Variants in AFF3 observed in about 807,000 individuals in gnomAD.
AFF3 encodes AF4/FMR2 family member 3.
In AFF3, 32 loss-of-function variants were observed where a neutral mutation model predicts 129.7. The observed-to-expected ratio is 0.25, with a 90% CI of 0.19 to 0.33. The LOEUF is 0.33. AFF3 is among the 10% of genes least tolerant of loss of function. The pLI, the probability that AFF3 is intolerant of heterozygous loss-of-function variation, is 1.00. For synonymous variants in AFF3, 644 were observed against 635.4 expected, an observed-to-expected ratio of 1.01 and a Z score of -0.20; for missense variants, 1,373 against 1,592.0, an observed-to-expected ratio of 0.86 and a Z score of 2.34.
At chr2:100,048,771 G>C (rs1216164933) in intron 4 of AFF3, among the ~76,000 whole-genome samples, 3 of 152,142 alleles carry the variant, frequency 2.0e-5, no homozygotes, top group Non-Finnish European at 4.4e-5. Flanking sequence ...GCAAAATGTA[G>C]AAATGTATGA....
chr2:99,771,678 G>C (rs867243541), intron 8 of AFF3, among the ~76,000 whole-genome samples: 1 of 152,278 alleles, frequency 6.6e-6, no homozygotes, highest in Non-Finnish European at 1.5e-5. Flanking sequence ...ATAAAGAAGT[G>C]GAACTCGGAA....
intron 4 of AFF3, among the ~76,000 whole-genome samples, chr2:100,012,016 T>A (rs1334517450): frequency 6.6e-6 from 1 of 152,028 alleles, no homozygotes; most frequent in Non-Finnish European, 1.5e-5. Flanking sequence ...TTATAAAGCA[T>A]CCAGATTGCT....
rs1685191246 is a variant in AFF3, at chr2:99,791,587, CG to C, written c.922-39287del. ...CTGTACAGTCAACCTTCATTATTCACGGATTCTTTATTTCTGAATTTGCCCC... is the reference window on the plus strand; with the variant it reads ...CTGTACAGTCAACCTTCATTATTCACGATTCTTTATTTCTGAATTTGCCCC... On this transcript the variant is annotated intron_variant, in intron 8 of 24. Coordinates refer to ENST00000672756, the MANE Select transcript of AFF3 (RefSeq NM_001386135.1). Among the ~76,000 whole-genome samples, 5 of 152,286 alleles carry C rather than the reference CG, an allele frequency of 3.3e-5. No individual in the cohort carries two copies. The South Asian group carries it at 1.0e-3, about 32-fold the overall frequency.
At position 99,970,658 on chromosome 2, in the gene AFF3, C is replaced by T. The variant is rs570693375; in HGVS notation, c.873+35974G>A. The stretch of plus-strand genomic sequence containing the variant: ...TTCCGGACATGCTCCCCTTCCTGCA[C>T]GTCCAAGCCTCTAACCCTCCTTCTC... On this transcript the variant is annotated intron_variant, in intron 7 of 24. Transcript: ENST00000672756. 3.3e-5 allele frequency among the ~76,000 whole-genome samples: 5 copies of T among 152,328 alleles called. No homozygotes were observed. The South Asian group carries it at 6.2e-4, about 19-fold the overall frequency.
intron 8 of AFF3, among the ~76,000 whole-genome samples, chr2:99,810,238 G>A (rs1686682908): frequency 6.6e-6 from 1 of 152,174 alleles, no homozygotes; most frequent in Non-Finnish European, 1.5e-5. Context: ...TTATGGAAAG[G>A]GCAGACAATT....
chr2:99,608,157 G>A (rs146372027), intron 13 of AFF3, among the ~76,000 whole-genome samples: 6 of 152,274 alleles, frequency 3.9e-5, no homozygotes, highest in East Asian at 1.9e-4. Flanking sequence ...ATTTCTCAGC[G>A]TCTGGACAGG....
At chr2:100,117,633 C>T (rs1228150846) in intron 2 of AFF3, among the ~76,000 whole-genome samples, 2 of 152,192 alleles carry the variant, frequency 1.3e-5, no homozygotes, top group African/African-American at 4.8e-5. Context: ...GTTGTTTCTG[C>T]TGACAACATT....
intron 7 of AFF3, among the ~76,000 whole-genome samples, chr2:99,872,970 C>T (rs373178584): frequency 1.3e-5 from 2 of 152,300 alleles, no homozygotes; most frequent in African/African-American, 4.8e-5. Context: ...CTTGAAGTGA[C>T]AAGTTCACTC....
At chr2:99,575,584 G>T (rs1382391785) in intron 18 of AFF3, among the ~76,000 whole-genome samples, 1 of 151,988 alleles carries the variant, frequency 6.6e-6, no homozygotes, top group Non-Finnish European at 1.5e-5. Context: ...CAAGCTTGAA[G>T]AATCTTTCCA....
chr2:99,944,090 A>T (rs2106354082), intron 7 of AFF3, among the ~76,000 whole-genome samples: 1 of 152,130 alleles, frequency 6.6e-6, no homozygotes, highest in South Asian at 2.1e-4. Context: ...TTGTAGAGAA[A>T]GGGTCTCCCT....
intron 4 of AFF3, among the ~76,000 whole-genome samples, chr2:100,087,256 T>A (rs1689519297): frequency 6.6e-6 from 1 of 152,220 alleles, no homozygotes; most frequent in South Asian, 2.1e-4. Context: ...TTTACCCCTG[T>A]GCTAAATAAT....
intron 12 of AFF3, among the ~76,000 whole-genome samples, chr2:99,661,674 G>C (rs527871580): frequency 3.2e-4 from 49 of 152,156 alleles, no homozygotes; most frequent in South Asian, 1.0e-3. Context: ...ATTTAAGTTG[G>C]CTGACCATTT....
In AFF3 at chr2:99,957,146, CGTGT is replaced by C. The variant is rs10602915; in HGVS notation, c.873+49482_873+49485del. 1.6e-4 allele frequency among the ~76,000 whole-genome samples: 24 copies of C among 150,682 alleles called. No individual in the cohort carries two copies. In the South Asian group the frequency reaches 3.2e-3, roughly 20 times the overall value. On this transcript the variant is annotated intron_variant, in intron 7 of 24. Coordinates refer to ENST00000672756, the MANE Select transcript of AFF3 (RefSeq NM_001386135.1). Reference sequence around the variant, plus strand: ...CATTCACAGGCTGTGTGTGGACATACGTGTGTGTGTGTGTGTGCATGTACGTGTG... The same window carrying C: ...CATTCACAGGCTGTGTGTGGACATACGTGTGTGTGTGTGCATGTACGTGTG...
In AFF3 at chr2:100,057,789, G is replaced by C. The variant is rs534137480; in HGVS notation, c.53+46613C>G. ...CCAAGGAAGTTTCTTCTCTGGCAAA[G>C]AAGCAACCAGCATTTATAACAAACA... On this transcript the variant is annotated intron_variant, in intron 4 of 24. Coordinates refer to ENST00000672756, the MANE Select transcript of AFF3 (RefSeq NM_001386135.1). Among the ~76,000 whole-genome samples the C allele has an allele frequency of 4.6e-5, 7 of 152,330 alleles. No individual in the cohort carries two copies. The East Asian group carries it at 1.3e-3, about 29-fold the overall frequency.
chr2:100,133,125 G>A (rs902893001), intron 1 of AFF3, among the ~76,000 whole-genome samples: 1 of 151,604 alleles, frequency 6.6e-6, no homozygotes, highest in African/African-American at 2.4e-5. Flanking sequence ...TGCTGTCTGG[G>A]TGCGGTGGCT....
intron 7 of AFF3, among the ~76,000 whole-genome samples, chr2:99,857,534 T>A (rs1429472817): frequency 9.2e-5 from 14 of 152,196 alleles, no homozygotes; most frequent in Non-Finnish European, 1.5e-5. Flanking sequence ...CAAGAGTTCA[T>A]TAGAAAAATA....
In AFF3 at chr2:100,128,273, C is replaced by T. The variant is rs536644606; in HGVS notation, c.-145+951G>A. On this transcript the variant is annotated intron_variant, in intron 2 of 24. Coordinates refer to ENST00000672756, the MANE Select transcript of AFF3 (RefSeq NM_001386135.1). ...TTGTTTTCACTTGACTCTGTGAACT[C>T]GCCCTGAATTCTTTCTTGCGTGAGA... Among the ~76,000 whole-genome samples, 98 of 152,282 alleles carry T rather than the reference C, an allele frequency of 6.4e-4. 1 individual carries two copies. The highest frequency in any genetic ancestry group is 2.2e-3 in the African/African-American group (91 of 41,562).
chr2:99,668,020 T>C (rs1005256059), intron 12 of AFF3, among the ~76,000 whole-genome samples: 12 of 151,748 alleles, frequency 7.9e-5, no homozygotes, highest in African/African-American at 2.7e-4. Context: ...TAGCCAGGCA[T>C]GGTGGTGGGC....
chr2:99,652,228 G>A (rs537476165), intron 12 of AFF3, among the ~76,000 whole-genome samples: 5 of 152,272 alleles, frequency 3.3e-5, no homozygotes, highest in East Asian at 1.9e-4. Context: ...TGGGCTAGAC[G>A]GCACAGCAGG....
Sources: allele counts gnomAD v4.1 joint callset (sites outside exome capture counted in the v4.1 genomes callset), GRCh38; gene constraint gnomAD v4.1.1; transcripts MANE v1.5; gene names NCBI Gene and HGNC (gene_info 2026-07-23, HGNC 2026-07-21).